The following TRAF5 variants were observed in gnomAD, a reference collection of about 807,000 sequenced individuals.
TRAF5 encodes TNF receptor associated factor 5, also known as TNF receptor-associated factor 5.
TRAF5 carries 48 observed loss-of-function variants against 64.5 expected under a neutral mutation model. The observed-to-expected ratio is 0.74, with a 90% CI of 0.59 to 0.95. TRAF5 has a LOEUF of 0.95. TRAF5 is among the 40% of genes least tolerant of loss of function. The pLI, the probability that TRAF5 is intolerant of heterozygous loss-of-function variation, is 0.00. For missense variants in TRAF5, 545 were observed against 662.8 expected (o/e 0.82, Z 1.95); for synonymous variants, 206 against 240.5 (o/e 0.86, Z 1.33).
At chr1:211,336,811 C>T (rs1054512712) in intron 1 of TRAF5, among the ~76,000 whole-genome samples, 1 of 152,242 alleles carries the variant, frequency 6.6e-6, no homozygotes, top group Non-Finnish European at 1.5e-5. Context: ...AGGCGTATGC[C>T]ACCATGCCCA....
intron 2 of TRAF5, 198 bp downstream of exon 2, chr1:211,353,655 T>C: frequency 1.7e-6 from 1 of 603,578 alleles, no homozygotes. Context: ...TTACAGATAT[T>C]TACCTTTTCT....
At chr1:211,363,183 G>A (rs996890090) in intron 7 of TRAF5, among the ~76,000 whole-genome samples, 5 of 152,034 alleles carry the variant, frequency 3.3e-5, no homozygotes, top group African/African-American at 1.2e-4. Flanking sequence ...CTGCATTTCT[G>A]CTAGGATTTA....
intron 1 of TRAF5, among the ~76,000 whole-genome samples, chr1:211,337,497 A>G (rs1558132206): frequency 6.6e-6 from 1 of 152,202 alleles, no homozygotes; most frequent in Non-Finnish European, 1.5e-5. Flanking sequence ...CCCGAGTGCA[A>G]TGGGGCCATT....
At chr1:211,350,217 T>TC (rs1416909593) in intron 1 of TRAF5, among the ~76,000 whole-genome samples, 6 of 151,532 alleles carry the variant, frequency 4.0e-5, no homozygotes, top group African/African-American at 1.2e-4. Context: ...TTTTTTTCTT[T>TC]CTTTTTTTTT....
At chr1:211,327,018 C>A in intron 1 of TRAF5, 129 bp downstream of exon 1, 2 of 817,822 alleles carry the variant, frequency 2.4e-6, no homozygotes, top group Non-Finnish European at 3.0e-6. Context: ...TCCGGCCGGT[C>A]CCCGACCGGC....
Position 211,372,262 on chromosome 1 carries a change from G to T in TRAF5, c.1234G>T (p.Asp412Tyr), listed in dbSNP as rs758586567. 1.9e-6 allele frequency: 3 copies of T among 1,614,042 alleles called. No homozygotes were observed. The highest frequency in any genetic ancestry group is 1.7e-6 in the Non-Finnish European group (2 of 1,180,042). Residue 412 changes from aspartate (D) to tyrosine (Y), a missense_variant, in exon 11 of 11, where the codon GAT becomes TAT. Physicochemically the swap from Asp to Tyr is radical, Grantham distance 160. Coordinates refer to ENST00000261464, the MANE Select transcript of TRAF5 (RefSeq NM_001033910.3). The stretch of plus-strand genomic sequence containing the variant: ...TGGAAAGCTCATTTGGAAGGTGACA[G>T]ATTACAAGATGAAGAAGAGAGAGGC... ...YNGKLIWKVTDYKMKKREAVD... is the reference protein window; with the variant it reads ...YNGKLIWKVTYYKMKKREAVD...
At chr1:211,345,364 C>A (rs904328276) in intron 1 of TRAF5, among the ~76,000 whole-genome samples, 8 of 151,928 alleles carry the variant, frequency 5.3e-5, no homozygotes, top group East Asian at 3.9e-4. Context: ...CCTGCGCTCC[C>A]CCCCCCTCCT....
chr1:211,371,577 CAA>C, intron 10 of TRAF5, 107 bp downstream of exon 10: 3 of 1,143,744 alleles, frequency 2.6e-6, no homozygotes, highest in Non-Finnish European at 3.7e-6. Flanking sequence ...CCAGGATAAA[CAA>C]TGGCTGAATC....
chr1:211,345,021 C>T (rs544582624), intron 1 of TRAF5, among the ~76,000 whole-genome samples: 15 of 152,298 alleles, frequency 9.8e-5, no homozygotes, highest in Admixed American at 3.3e-4. Context: ...TGGGTTCAAA[C>T]GATTCTCCTG....
intron 9 of TRAF5, among the ~76,000 whole-genome samples, 164 bp from the exon 10 acceptor site, chr1:211,371,138 C>T (rs984202233): frequency 1.3e-5 from 2 of 152,104 alleles, no homozygotes; most frequent in Non-Finnish European, 2.9e-5. Flanking sequence ...TTAGGTGGCT[C>T]ATCTCTCTGT....
At chr1:211,369,679 T>C in intron 9 of TRAF5, 87 bp downstream of exon 9, 1 of 1,320,204 alleles carries the variant, frequency 7.6e-7, no homozygotes, top group Non-Finnish European at 1.0e-6. Flanking sequence ...ATAGAAATAA[T>C]TTAAAATATA....
chr1:211,359,872 T>C, intron 4 of TRAF5, 40 bp from the exon 5 acceptor site: 1 of 1,612,006 alleles, frequency 6.2e-7, no homozygotes, highest in Non-Finnish European at 8.5e-7. Context: ...CCTACCACCC[T>C]GGTCAGCAGG....
chr1:211,330,575 C>T (rs1209887247), intron 1 of TRAF5, among the ~76,000 whole-genome samples: 1 of 152,146 alleles, frequency 6.6e-6, no homozygotes, highest in Non-Finnish European at 1.5e-5. Context: ...TCCCTCTTCT[C>T]TTTCTTTCAC....
At chr1:211,342,368 T>C (rs999014093) in intron 1 of TRAF5, among the ~76,000 whole-genome samples, 7 of 152,162 alleles carry the variant, frequency 4.6e-5, no homozygotes, top group African/African-American at 1.7e-4. Context: ...TTTTTATGGG[T>C]GTGTATTAGG....
chr1:211,355,835 T>C (rs920656663), intron 3 of TRAF5, among the ~76,000 whole-genome samples: 4 of 152,244 alleles, frequency 2.6e-5, no homozygotes, highest in African/African-American at 9.6e-5. Context: ...TCAGTGTTCA[T>C]AAATAGTGTT....
chr1:211,337,566 G>T (rs1321579300), intron 1 of TRAF5, among the ~76,000 whole-genome samples: 1 of 152,224 alleles, frequency 6.6e-6, no homozygotes, highest in Non-Finnish European at 1.5e-5. Context: ...TGGCTGCTGG[G>T]TTGTGAATGG....
Position 211,354,396 on chromosome 1 carries a change from A to AT in TRAF5, c.219-7dup. The AT allele has an allele frequency of 6.2e-7, 1 of 1,613,476 alleles. No homozygotes were observed. Among genetic ancestry groups the AT allele is most frequent in the African/African-American group, 1.3e-5 (1 of 74,966 alleles). On this transcript the variant is annotated splice_polypyrimidine_tract_variant and intron_variant, in intron 2 of 10. Coordinates refer to ENST00000261464, the MANE Select transcript of TRAF5 (RefSeq NM_001033910.3). ...AACAACTAACTCTGGCTCCATTTTA[A>AT]TTTTTTTCTCCAGAGAATTAAACAC...
chr1:211,346,971 CTTGAG>C (rs549048369), intron 1 of TRAF5, among the ~76,000 whole-genome samples: 31 of 152,326 alleles, frequency 2.0e-4, no homozygotes, highest in African/African-American at 7.2e-4. Flanking sequence ...TCTCTTTTGG[CTTGAG>C]TTAACAACTC....
intron 1 of TRAF5, among the ~76,000 whole-genome samples, chr1:211,327,184 T>A (rs186341351): frequency 4.5e-4 from 68 of 151,862 alleles, no homozygotes; most frequent in African/African-American, 1.6e-3. Context: ...GGGCGGAGAC[T>A]GGGGGTCCAA....
Sources: allele counts gnomAD v4.1 joint callset (sites outside exome capture counted in the v4.1 genomes callset), GRCh38; gene constraint gnomAD v4.1.1; transcripts MANE v1.5; gene names NCBI Gene and HGNC (gene_info 2026-07-23, HGNC 2026-07-21).